Variants in DNAH5 observed in about 807,000 individuals in gnomAD.
DNAH5 encodes axonemal beta dynein heavy chain 5.
In DNAH5, 372 loss-of-function variants were observed where a neutral mutation model predicts 518.2. That is an observed-to-expected ratio of 0.72 (90% CI 0.66 to 0.78). The LOEUF (loss-of-function observed/expected upper bound fraction) is 0.78, where lower values mean the gene tolerates loss of function less well. Ranked by LOEUF, DNAH5 falls within the 30% of genes least tolerant of loss-of-function variation. DNAH5 has a pLI of 0.00. For synonymous variants in DNAH5, 2,039 were observed against 2,025.9 expected, an observed-to-expected ratio of 1.01 and a Z score of -0.17; for missense variants, 5,523 against 5,687.0, an observed-to-expected ratio of 0.97 and a Z score of 0.93.
intron 53 of DNAH5, among the ~76,000 whole-genome samples, chr5:13,778,542 G>GA (rs1754490469): frequency 2.4e-5 from 1 of 42,182 alleles, no homozygotes; most frequent in East Asian, 6.9e-4. Context: ...AGAGAGAGAA[G>GA]AAAGAAAGAA....
chr5:13,830,905 T>G, intron 35 of DNAH5, 130 bp from the exon 36 acceptor site: 16 of 805,276 alleles, frequency 2.0e-5, no homozygotes, highest in Non-Finnish European at 3.1e-5. Flanking sequence ...ACATTTCGAA[T>G]ACAACATCCT....
At chr5:13,822,954 A>G (rs1053829183) in intron 40 of DNAH5, among the ~76,000 whole-genome samples, 19 of 152,238 alleles carry the variant, frequency 1.2e-4, no homozygotes, top group African/African-American at 4.6e-4. Flanking sequence ...CAGCCAGATG[A>G]GCCCCATCCA....
chr5:13,780,028 C>T (rs937984434), intron 53 of DNAH5, among the ~76,000 whole-genome samples: 1 of 152,118 alleles, frequency 6.6e-6, no homozygotes, highest in Non-Finnish European at 1.5e-5. Context: ...CTTTAAAGGC[C>T]TCCATTTCTC....
Position 13,913,763 on chromosome 5 carries a change from C to T in DNAH5, c.1516G>A (p.Asp506Asn). Residue 506 changes from aspartate (D) to asparagine (N), a missense_variant, in exon 11 of 79, where the codon GAC (aspartate) becomes AAC (asparagine). Transcript: ENST00000265104. Reference sequence around the variant, plus strand: ...AATACCTGGTATTTAGTGGCCATGTCTTCCAGCCCTTCAATTGTGGAATCT... The same window carrying T: ...AATACCTGGTATTTAGTGGCCATGTTTTCCAGCCCTTCAATTGTGGAATCT... ...LQDSTIEGLE[D>N]MATKYQGIVA... 6.2e-7 allele frequency: 1 copy of T among 1,613,484 alleles called. No homozygotes were observed. Among genetic ancestry groups the T allele is most frequent in the Non-Finnish European group, 8.5e-7 (1 of 1,179,482 alleles).
chr5:13,871,086 A>T (rs1770035384), intron 23 of DNAH5, 84 bp from the exon 24 acceptor site: 1 of 1,025,764 alleles, frequency 9.7e-7, no homozygotes, highest in Non-Finnish European at 1.5e-6. Context: ...CTCCAGTAGT[A>T]AATATTTTAT....
chr5:13,841,918 C>CAAAAAAAAAAAAAAAAAAAAACAAAAA lies in DNAH5; in HGVS notation c.5272-15_5272-14insTTTTTGTTTTTTTTTTTTTTTTTTTTT. 1 of 591,134 alleles carries CAAAAAAAAAAAAAAAAAAAAACAAAAA rather than the reference C, an allele frequency of 1.7e-6. No homozygotes were observed. Among genetic ancestry groups the CAAAAAAAAAAAAAAAAAAAAACAAAAA allele is most frequent in the South Asian group, 2.1e-5 (1 of 47,686 alleles). 36.6% of individuals were successfully genotyped at this position (591,134 alleles called of 1,614,324 possible). On this transcript the variant is annotated splice_polypyrimidine_tract_variant and intron_variant, in intron 32 of 78. Coordinates refer to ENST00000265104, the MANE Select transcript of DNAH5 (RefSeq NM_001369.3). Reference sequence around the variant, plus strand: ...TCGATCATAGATCTATGTTAGAAACCAAAAAAAAAAAAAAAAAAAGCTATA... The same window carrying CAAAAAAAAAAAAAAAAAAAAACAAAAA: ...TCGATCATAGATCTATGTTAGAAACCAAAAAAAAAAAAAAAAAAAAACAAAAAAAAAAAAAAAAAAAAAAAAGCTATA...
At chr5:13,759,009 G>C (rs139141488) in intron 60 of DNAH5, 26 bp from the exon 61 acceptor site, 5 of 1,613,850 alleles carry the variant, frequency 3.1e-6, no homozygotes, top group Non-Finnish European at 4.2e-6. Context: ...ACAGAGTGAA[G>C]AGATGGGCAG....
intron 33 of DNAH5, among the ~76,000 whole-genome samples, chr5:13,841,437 GA>G (rs1561403393): frequency 2.0e-5 from 3 of 151,938 alleles, no homozygotes; most frequent in Admixed American, 6.5e-5. Flanking sequence ...ATTGATTAGG[GA>G]AAAAACCGTT....
chr5:13,695,249 C>T (rs949699034), intron 78 of DNAH5, among the ~76,000 whole-genome samples: 1 of 152,172 alleles, frequency 6.6e-6, no homozygotes, highest in African/African-American at 2.4e-5. Context: ...AGTATCCTGG[C>T]CCTCGGCTCA....
Position 13,800,643 on chromosome 5 carries a change from G to C in DNAH5, c.7888-6585C>G, listed in dbSNP as rs1040321406. On this transcript the variant is annotated intron_variant, in intron 47 of 78. Coordinates refer to ENST00000265104, the MANE Select transcript of DNAH5 (RefSeq NM_001369.3). ...GCCTTCCCTGACTGCAGTCAATCCT[G>C]GAAACTTCCTTATGACTCATACACA... is the stretch of plus-strand genomic sequence containing the variant. Among the ~76,000 whole-genome samples the C allele has an allele frequency of 4.6e-5, 7 of 152,166 alleles. No individual in the cohort carries two copies. In the East Asian group the frequency reaches 1.4e-3, roughly 29 times the overall value.
chr5:13,959,355 T>G (rs1780993731), intron 1 of DNAH5, among the ~76,000 whole-genome samples: 1 of 152,152 alleles, frequency 6.6e-6, no homozygotes, highest in African/African-American at 2.4e-5. Flanking sequence ...AGAAGACTGA[T>G]AGAGAGGGAA....
At chr5:13,991,726 TATGACTGAGGTTTAC>T (rs1399412014) in intron 1 of DNAH5, among the ~76,000 whole-genome samples, 2 of 152,136 alleles carry the variant, frequency 1.3e-5, no homozygotes, top group Non-Finnish European at 2.9e-5. Flanking sequence ...TTCATTTTCT[TATGACTGAGGTTTAC>T]ATGTTGAGAA....
intron 1 of DNAH5, among the ~76,000 whole-genome samples, chr5:13,940,865 A>G (rs1779395395): frequency 6.6e-6 from 1 of 152,248 alleles, no homozygotes; most frequent in South Asian, 2.1e-4. Flanking sequence ...TCTAAATTCC[A>G]TGGTGTCTAG....
chr5:13,711,015 T>C (rs1743411604), intron 75 of DNAH5, among the ~76,000 whole-genome samples: 1 of 152,234 alleles, frequency 6.6e-6, no homozygotes, highest in Admixed American at 6.5e-5. Context: ...TAATTCATTC[T>C]ATGAAGCCAG....
chr5:13,710,000 T>C (rs1743275364), intron 75 of DNAH5, among the ~76,000 whole-genome samples: 1 of 151,360 alleles, frequency 6.6e-6, no homozygotes, highest in African/African-American at 2.4e-5. Context: ...TGACAGGAGG[T>C]CAACCAGCAC....
intron 2 of DNAH5, among the ~76,000 whole-genome samples, chr5:13,929,499 T>C (rs1216362697): frequency 1.3e-5 from 2 of 152,210 alleles, no homozygotes; most frequent in East Asian, 3.8e-4. Context: ...GTGTATTTAC[T>C]ACATCTTAAA....
intron 40 of DNAH5, 25 bp downstream of exon 40, chr5:13,823,238 C>T (rs767168369): frequency 9.1e-6 from 13 of 1,435,290 alleles, no homozygotes; most frequent in Non-Finnish European, 1.3e-5. Flanking sequence ...GACACCAGCC[C>T]TCGTTGCCCT....
intron 1 of DNAH5, among the ~76,000 whole-genome samples, chr5:13,966,957 A>C (rs1179563162): frequency 6.6e-6 from 1 of 152,030 alleles, no homozygotes; most frequent in Non-Finnish European, 1.5e-5. Flanking sequence ...CACCTCCTGG[A>C]TTCAAGTGAT....
chr5:13,791,515 T>A lies in DNAH5; in HGVS notation c.8448+479A>T, dbSNP rs934191228. Among the ~76,000 whole-genome samples, 18 of 152,298 alleles carry A rather than the reference T, an allele frequency of 1.2e-4. 1 individual carries two copies. The South Asian group carries it at 2.9e-3, about 25-fold the overall frequency. ...CAATGTACGTAAATCTTTTAGTGCA[T>A]CCAGTTACATGGAAAAGAAAAATCA... On this transcript the variant is annotated intron_variant, in intron 50 of 78. Transcript: ENST00000265104.
Sources: gnomAD v4.1 joint callset for allele counts (sites outside exome capture counted in the v4.1 genomes callset) on GRCh38, gnomAD v4.1.1 for gene constraint, MANE v1.5 for transcripts, NCBI Gene and HGNC (gene_info 2026-07-23, HGNC 2026-07-21) for gene names.